Variants in NELL1 observed in about 807,000 individuals in gnomAD.
NELL1 encodes the protein neural EGFL like 1.
Under a neutral mutation model 107.4 loss-of-function variants are expected in NELL1, and 76 were observed. The ratio of observed to expected loss-of-function variants is 0.71; its 90% CI spans 0.59 to 0.86. The LOEUF (loss-of-function observed/expected upper bound fraction) is 0.86, where lower values mean the gene tolerates loss of function less well. NELL1 is among the 40% of genes least tolerant of loss of function. The pLI, the probability that NELL1 is intolerant of heterozygous loss-of-function variation, is 0.00. For synonymous variants in NELL1, 353 were observed against 341.2 expected (o/e 1.03, Z -0.38); for missense variants, 1,024 against 1,005.5 (o/e 1.02, Z -0.25).
At chr11:21,141,023 C>T (rs757053289) in intron 13 of NELL1, among the ~76,000 whole-genome samples, 2 of 152,178 alleles carry the variant, frequency 1.3e-5, no homozygotes, top group East Asian at 3.9e-4. Flanking sequence ...CCCAGTATAG[C>T]AAGAAATGAA....
chr11:20,725,414 C>G (rs1420943893), intron 2 of NELL1, among the ~76,000 whole-genome samples: 1 of 152,180 alleles, frequency 6.6e-6, no homozygotes, highest in Non-Finnish European at 1.5e-5. Context: ...ATGTGAGCAA[C>G]AGGAGTATCT....
intron 16 of NELL1, 96 bp from the exon 17 acceptor site, chr11:21,560,093 G>A (rs1856812942): frequency 8.7e-7 from 1 of 1,155,624 alleles, no homozygotes; most frequent in African/African-American, 1.5e-5. Context: ...AAGGTAAATG[G>A]TCGATGATGT....
intron 12 of NELL1, among the ~76,000 whole-genome samples, chr11:21,080,761 A>T (rs1854247996): frequency 6.6e-6 from 1 of 152,082 alleles, no homozygotes; most frequent in South Asian, 2.1e-4. Context: ...GATATTTCCA[A>T]CTTGCCTTCC....
At chr11:21,551,894 C>A (rs1397022659) in intron 16 of NELL1, among the ~76,000 whole-genome samples, 2 of 148,748 alleles carry the variant, frequency 1.3e-5, no homozygotes, top group East Asian at 4.0e-4. Flanking sequence ...ACCCAAATGT[C>A]CAACAATGAT....
At chr11:20,720,979 T>C (rs113871701) in intron 2 of NELL1, among the ~76,000 whole-genome samples, 4,750 of 152,038 alleles carry the variant, frequency 0.031, 98 homozygotes, top group Non-Finnish European at 0.042. Context: ...ATGCAGCCAA[T>C]AGTAACCAAG....
At chr11:21,494,632 A>C (rs886865272) in intron 15 of NELL1, among the ~76,000 whole-genome samples, 3 of 151,980 alleles carry the variant, frequency 2.0e-5, no homozygotes, top group Non-Finnish European at 4.4e-5. Flanking sequence ...CTAAATGTAT[A>C]CTCAAAAGAT....
intron 12 of NELL1, among the ~76,000 whole-genome samples, chr11:21,080,251 A>G (rs942026434): frequency 6.6e-6 from 1 of 152,074 alleles, no homozygotes; most frequent in Non-Finnish European, 1.5e-5. Flanking sequence ...AACTTGTAAA[A>G]GAGATTATTG....
chr11:20,711,846 T>C (rs1855120885), intron 2 of NELL1, among the ~76,000 whole-genome samples: 1 of 152,188 alleles, frequency 6.6e-6, no homozygotes, highest in East Asian at 1.9e-4. Flanking sequence ...GATAACCTGA[T>C]GACTGTGTGC....
intron 14 of NELL1, among the ~76,000 whole-genome samples, chr11:21,273,278 C>T (rs191210591): frequency 1.3e-5 from 2 of 152,240 alleles, no homozygotes; most frequent in East Asian, 3.9e-4. Flanking sequence ...GTAGCTGATT[C>T]AGTCAACTGC....
chr11:21,012,474 C>T (rs1275641889), intron 12 of NELL1, among the ~76,000 whole-genome samples: 1 of 152,036 alleles, frequency 6.6e-6, no homozygotes, highest in Non-Finnish European at 1.5e-5. Context: ...AAGCTATGAT[C>T]CTTGGTCTCT....
At chr11:21,112,033 G>A (rs1014031638) in intron 12 of NELL1, among the ~76,000 whole-genome samples, 4 of 151,096 alleles carry the variant, frequency 2.6e-5, no homozygotes, top group Non-Finnish European at 5.9e-5. Context: ...GGATTCCAGT[G>A]GTCTGACTGT....
intron 12 of NELL1, among the ~76,000 whole-genome samples, chr11:21,016,618 C>G (rs1565016549): frequency 6.6e-6 from 1 of 152,118 alleles, no homozygotes; most frequent in Non-Finnish European, 1.5e-5. Flanking sequence ...GTCTCCCACT[C>G]TGCACCCACC....
At chr11:20,771,163 C>G (rs561856791) in intron 2 of NELL1, among the ~76,000 whole-genome samples, 1 of 152,240 alleles carries the variant, frequency 6.6e-6, no homozygotes, top group African/African-American at 2.4e-5. Flanking sequence ...CACCACTGAC[C>G]TCTGGGACCC....
chr11:20,870,738 T>C (rs1590366034), intron 4 of NELL1, among the ~76,000 whole-genome samples: 1 of 152,230 alleles, frequency 6.6e-6, no homozygotes, highest in African/African-American at 2.4e-5. Context: ...ATGCCTCACA[T>C]TTAATAACAA....
intron 15 of NELL1, among the ~76,000 whole-genome samples, chr11:21,513,071 A>G (rs952285413): frequency 6.6e-6 from 1 of 152,206 alleles, no homozygotes; most frequent in South Asian, 2.1e-4. Context: ...GCAAGGCCAC[A>G]GTCAGCTATG....
chr11:20,880,667 C>T (rs1312648815), intron 4 of NELL1, among the ~76,000 whole-genome samples: 1 of 152,096 alleles, frequency 6.6e-6, no homozygotes, highest in East Asian at 1.9e-4. Context: ...GTAAATTATA[C>T]TAGTCACAAC....
chr11:21,020,768 T>C (rs552767642), intron 12 of NELL1, among the ~76,000 whole-genome samples: 24 of 152,064 alleles, frequency 1.6e-4, no homozygotes, highest in African/African-American at 5.3e-4. Context: ...AAATACATCT[T>C]TGTGTGGGAG....
At chr11:21,483,936 A>AAT (rs1212850929) in intron 15 of NELL1, among the ~76,000 whole-genome samples, 1 of 140,694 alleles carries the variant, frequency 7.1e-6, no homozygotes, top group Non-Finnish European at 1.5e-5. Flanking sequence ...ATAACCACCC[A>AAT]ATATTCCAAT....
intron 13 of NELL1, 141 bp downstream of exon 13, chr11:21,113,855 G>A: frequency 2.4e-6 from 2 of 827,810 alleles, no homozygotes; most frequent in Non-Finnish European, 3.6e-6. Flanking sequence ...CCCACCTTTT[G>A]AGAAAAAAGC....
Sources: gnomAD v4.1 joint callset for allele counts (sites outside exome capture counted in the v4.1 genomes callset) on GRCh38, gnomAD v4.1.1 for gene constraint, MANE v1.5 for transcripts, NCBI Gene and HGNC (gene_info 2026-07-23, HGNC 2026-07-21) for gene names.